The following CTNND2 variants were observed in gnomAD, a reference collection of about 807,000 sequenced individuals.
CTNND2 encodes catenin delta 2, also known as catenin delta-2.
Under a neutral mutation model 144.4 loss-of-function variants are expected in CTNND2, and 22 were observed. The observed-to-expected ratio is 0.15, with a 90% CI of 0.11 to 0.22. The LOEUF (loss-of-function observed/expected upper bound fraction) is 0.22, where lower values mean the gene tolerates loss of function less well. Ranked by LOEUF, CTNND2 falls within the 10% of genes least tolerant of loss-of-function variation. The pLI, the probability that CTNND2 is intolerant of heterozygous loss-of-function variation, is 1.00. For missense variants in CTNND2, 1,353 were observed against 1,618.8 expected, an observed-to-expected ratio of 0.84 and a Z score of 2.82; for synonymous variants, 751 against 695.6, an observed-to-expected ratio of 1.08 and a Z score of -1.25.
intron 1 of CTNND2, among the ~76,000 whole-genome samples, chr5:11,800,595 G>GA (rs1436528093): frequency 6.6e-6 from 1 of 152,094 alleles, no homozygotes; most frequent in African/African-American, 2.4e-5. Context: ...AGTGATGAAG[G>GA]AAAAGGCATA....
intron 20 of CTNND2, 107 bp from the exon 21 acceptor site, chr5:10,981,953 G>A (rs1287664199): frequency 2.3e-6 from 2 of 862,700 alleles, no homozygotes; most frequent in Non-Finnish European, 3.8e-6. Flanking sequence ...GTTTTCTTGG[G>A]GACCATTCCA....
intron 1 of CTNND2, among the ~76,000 whole-genome samples, chr5:11,899,552 G>A (rs1168141294): frequency 6.6e-6 from 1 of 152,030 alleles, no homozygotes; most frequent in Non-Finnish European, 1.5e-5. Context: ...TAGGGGTTGG[G>A]GTAGGGAAAT....
chr5:11,013,875 T>C (rs1741342208), intron 18 of CTNND2, among the ~76,000 whole-genome samples: 1 of 152,152 alleles, frequency 6.6e-6, no homozygotes, highest in Admixed American at 6.5e-5. Context: ...ACTGGCAACT[T>C]CTGTGCCACT....
chr5:11,594,636 T>C (rs1779416462), intron 2 of CTNND2, among the ~76,000 whole-genome samples: 1 of 152,168 alleles, frequency 6.6e-6, no homozygotes, highest in Non-Finnish European at 1.5e-5. Context: ...TAATTGACTA[T>C]GCTGTGGCCC....
At chr5:11,515,838 T>C (rs2150031914) in intron 3 of CTNND2, among the ~76,000 whole-genome samples, 1 of 152,286 alleles carries the variant, frequency 6.6e-6, no homozygotes, top group Non-Finnish European at 1.5e-5. Context: ...TCAATTCAGT[T>C]AAAAAATATT....
At chr5:11,390,500 A>G (rs1386832696) in intron 6 of CTNND2, among the ~76,000 whole-genome samples, 1 of 152,230 alleles carries the variant, frequency 6.6e-6, no homozygotes, top group Non-Finnish European at 1.5e-5. Flanking sequence ...GAGACCTGAC[A>G]GCCTGTAATC....
At chr5:11,809,695 A>G (rs61761646) in intron 1 of CTNND2, among the ~76,000 whole-genome samples, 3 of 152,336 alleles carry the variant, frequency 2.0e-5, no homozygotes, top group Non-Finnish European at 4.4e-5. Flanking sequence ...ATACCAAGAC[A>G]TAGAAATTGG....
intron 12 of CTNND2, among the ~76,000 whole-genome samples, chr5:11,135,990 C>A (rs1756107930): frequency 6.6e-6 from 1 of 152,196 alleles, no homozygotes; most frequent in Non-Finnish European, 1.5e-5. Context: ...TGAAACCTAA[C>A]CCCCAAGGTG....
intron 15 of CTNND2, among the ~76,000 whole-genome samples, chr5:11,097,203 T>C (rs1561297261): frequency 6.6e-6 from 1 of 152,212 alleles, no homozygotes; most frequent in Non-Finnish European, 1.5e-5. Context: ...CAAAGCTTCC[T>C]AGATCACGCT....
chr5:11,010,614 G>A (rs972323588), intron 18 of CTNND2, among the ~76,000 whole-genome samples: 1 of 152,254 alleles, frequency 6.6e-6, no homozygotes, highest in Non-Finnish European at 1.5e-5. Flanking sequence ...TGCGAAAGAT[G>A]ACAAAAGGCT....
intron 1 of CTNND2, among the ~76,000 whole-genome samples, chr5:11,861,017 G>A (rs968920894): frequency 2.6e-5 from 4 of 152,178 alleles, no homozygotes; most frequent in African/African-American, 9.7e-5. Context: ...GTACTGGAAT[G>A]CTCTTCCTGT....
chr5:11,152,862 C>T (rs944849942), intron 12 of CTNND2, among the ~76,000 whole-genome samples: 25 of 152,322 alleles, frequency 1.6e-4, no homozygotes, highest in African/African-American at 6.0e-4. Flanking sequence ...GCTTCCTCTG[C>T]TCTAGGACCA....
chr5:11,666,818 GTA>G (rs1783591172), intron 2 of CTNND2, among the ~76,000 whole-genome samples: 1 of 152,026 alleles, frequency 6.6e-6, no homozygotes, highest in Non-Finnish European at 1.5e-5. Flanking sequence ...TGTGCAGAAT[GTA>G]CAGGTTTGTT....
At chr5:11,832,894 T>C (rs1793982239) in intron 1 of CTNND2, among the ~76,000 whole-genome samples, 1 of 152,204 alleles carries the variant, frequency 6.6e-6, no homozygotes, top group African/African-American at 2.4e-5. Context: ...TGAGCGGTGA[T>C]TGTGCCACTG....
At chr5:11,748,015 C>A (rs1481851493) in intron 1 of CTNND2, among the ~76,000 whole-genome samples, 1 of 152,090 alleles carries the variant, frequency 6.6e-6, no homozygotes, top group Non-Finnish European at 1.5e-5. Context: ...CACAAAAAAT[C>A]TCACTCTGCA....
intron 14 of CTNND2, among the ~76,000 whole-genome samples, chr5:11,110,440 T>C: frequency 6.6e-6 from 1 of 152,206 alleles, no homozygotes; most frequent in South Asian, 2.1e-4. Context: ...ATTAAATACA[T>C]GATGGATCTT....
Position 11,115,107 on chromosome 5 carries a change from C to T in CTNND2, c.2277+2343G>A, listed in dbSNP as rs562988903. ...TGCCAGCTCAGGGCTCTTCTTACTCCACCAGGGATATCTGGGTTTTCTGAC... is the reference window on the plus strand; with the variant it reads ...TGCCAGCTCAGGGCTCTTCTTACTCTACCAGGGATATCTGGGTTTTCTGAC... On this transcript the variant is annotated intron_variant, in intron 13 of 21. Transcript: ENST00000304623. Among the ~76,000 whole-genome samples the T allele has an allele frequency of 1.1e-4, 16 of 152,334 alleles. No individual in the cohort carries two copies. In the South Asian group the frequency reaches 3.3e-3, roughly 32 times the overall value.
At chr5:11,370,552 T>A (rs1204963819) in intron 7 of CTNND2, among the ~76,000 whole-genome samples, 1 of 152,240 alleles carries the variant, frequency 6.6e-6, no homozygotes, top group East Asian at 1.9e-4. Context: ...TTTACTACAT[T>A]AATAAAACAG....
intron 3 of CTNND2, among the ~76,000 whole-genome samples, chr5:11,449,886 G>C (rs893289059): frequency 2.0e-5 from 3 of 152,200 alleles, no homozygotes; most frequent in Non-Finnish European, 4.4e-5. Flanking sequence ...CTGTTCATAA[G>C]AAAGCTTTCC....
Sources: gnomAD v4.1 joint callset for allele counts (sites outside exome capture counted in the v4.1 genomes callset) on GRCh38, gnomAD v4.1.1 for gene constraint, MANE v1.5 for transcripts, NCBI Gene and HGNC (gene_info 2026-07-23, HGNC 2026-07-21) for gene names.